The following IL1R1 variants were observed in gnomAD, a reference collection of about 807,000 sequenced individuals.
The protein encoded by IL1R1 is interleukin-1 receptor type 1.
Under a neutral mutation model 50.2 loss-of-function variants are expected in IL1R1, and 22 were observed. The ratio of observed to expected loss-of-function variants is 0.44; its 90% CI spans 0.31 to 0.63. The LOEUF is 0.63. Among genes scored for constraint, IL1R1 ranks in the 20% least tolerant of loss-of-function variants. IL1R1 has a pLI of 0.07. For synonymous variants in IL1R1, 251 were observed against 236.7 expected (o/e 1.06, Z -0.55); for missense variants, 509 against 676.2 (o/e 0.75, Z 2.74).
chr2:102,118,491 A>C, intron 1 of IL1R1, among the ~76,000 whole-genome samples: 1 of 152,206 alleles, frequency 6.6e-6, no homozygotes, highest in Non-Finnish European at 1.5e-5. Flanking sequence ...CCTGGTTTAC[A>C]GCTGGTCAGT....
rs543180292 is a variant in IL1R1, at chr2:102,089,896, C to T, written c.-84+19363C>T. Reference sequence around the variant, plus strand: ...TTGCTCAGGCTGGAGTGCAGTGGTACGATCTCGGCTCACTGCAAGCTCCAC... The same window carrying T: ...TTGCTCAGGCTGGAGTGCAGTGGTATGATCTCGGCTCACTGCAAGCTCCAC... On this transcript the variant is annotated intron_variant, in intron 1 of 11. Coordinates refer to the IL1R1 transcript ENST00000409929. Among the ~76,000 whole-genome samples, 17 of 148,480 alleles carry T rather than the reference C, an allele frequency of 1.1e-4. No individual in the cohort carries two copies. In the East Asian group the frequency reaches 2.8e-3, roughly 24 times the overall value.
intron 1 of IL1R1, among the ~76,000 whole-genome samples, chr2:102,090,537 A>T (rs929467121): frequency 6.6e-6 from 1 of 152,080 alleles, no homozygotes; most frequent in African/African-American, 2.4e-5. Context: ...TTTCTGTTAA[A>T]CTACCTCCAC....
intron 1 of IL1R1, among the ~76,000 whole-genome samples, chr2:102,133,807 T>G (rs184436599): frequency 5.6e-4 from 85 of 152,276 alleles, no homozygotes; most frequent in Admixed American, 2.9e-3. Context: ...AACATCATAC[T>G]TAATGAAAGC....
chr2:102,132,430 G>C (rs1682088001), intron 1 of IL1R1, among the ~76,000 whole-genome samples: 1 of 152,140 alleles, frequency 6.6e-6, no homozygotes, highest in Non-Finnish European at 1.5e-5. Flanking sequence ...TATGTAGGGT[G>C]ATACAGTATC....
intron 1 of IL1R1, among the ~76,000 whole-genome samples, chr2:102,091,161 T>A (rs1679649952): frequency 6.6e-6 from 1 of 152,252 alleles, no homozygotes; most frequent in Admixed American, 6.5e-5. Flanking sequence ...TCTCAAGTGA[T>A]CAGTCTCATA....
chr2:102,084,002 G>A (rs1197679230), intron 1 of IL1R1, among the ~76,000 whole-genome samples: 1 of 151,818 alleles, frequency 6.6e-6, no homozygotes, highest in East Asian at 1.9e-4. Context: ...TTTTGTTTTT[G>A]CCCTGCCTTT....
chr2:102,112,486 G>C (rs1272934122), intron 1 of IL1R1, among the ~76,000 whole-genome samples: 1 of 152,030 alleles, frequency 6.6e-6, no homozygotes, highest in African/African-American at 2.4e-5. Flanking sequence ...ACCCCCTTCA[G>C]TGAGCTTCAC....
chr2:102,140,821 C>A (rs1418355595), upstream of IL1R1, among the ~76,000 whole-genome samples: 3 of 152,138 alleles, frequency 2.0e-5, no homozygotes, highest in Non-Finnish European at 2.9e-5. Context: ...CCAGATAGAA[C>A]AGTGGTAATA....
intron 1 of IL1R1, among the ~76,000 whole-genome samples, chr2:102,131,753 A>C (rs923356370): frequency 6.6e-6 from 1 of 152,204 alleles, no homozygotes; most frequent in Non-Finnish European, 1.5e-5. Flanking sequence ...GGAGTCACTC[A>C]AGGGAAAAAG....
intron 10 of IL1R1, among the ~76,000 whole-genome samples, chr2:102,175,078 C>A (rs1686003603): frequency 7.1e-6 from 1 of 141,384 alleles, no homozygotes; most frequent in Non-Finnish European, 1.5e-5. Flanking sequence ...ACTAGATCTT[C>A]ATGCATCAGG....
chr2:102,134,904 G>T (rs1577925062), intron 1 of IL1R1, among the ~76,000 whole-genome samples: 1 of 152,208 alleles, frequency 6.6e-6, no homozygotes, highest in East Asian at 1.9e-4. Flanking sequence ...ACCTACACCT[G>T]TTTTTCACGG....
At position 102,085,895 on chromosome 2, in the gene IL1R1, T is replaced by G. The variant is rs60121336; in HGVS notation, c.-84+15362T>G. On this transcript the variant is annotated intron_variant, in intron 1 of 11. Transcript: ENST00000409929. ...TTCTTTAACTTCTCTTGGCAATTTTTAAAATTTTTCAGTGTAGGGAACTTA... is the reference window on the plus strand; with the variant it reads ...TTCTTTAACTTCTCTTGGCAATTTTGAAAATTTTTCAGTGTAGGGAACTTA... Among the ~76,000 whole-genome samples, 1,167 of 152,280 alleles carry G rather than the reference T, an allele frequency of 7.7e-3. 15 individuals carry two copies. Among genetic ancestry groups the G allele is most frequent in the African/African-American group, 0.027 (1,119 of 41,572 alleles).
At chr2:102,095,450 A>T (rs6760922) in intron 1 of IL1R1, among the ~76,000 whole-genome samples, 1 of 152,092 alleles carries the variant, frequency 6.6e-6, no homozygotes, top group Non-Finnish European at 1.5e-5. Context: ...AAATTTTTAC[A>T]TTAAAGAATA....
intron 1 of IL1R1, among the ~76,000 whole-genome samples, chr2:102,120,251 G>C (rs1174850653): frequency 1.3e-5 from 2 of 152,148 alleles, no homozygotes; most frequent in Non-Finnish European, 2.9e-5. Context: ...GAACGTGTGT[G>C]TGGGTTTTCA....
At chr2:102,172,056 T>TTG (rs35404747) in intron 8 of IL1R1, 138 bp downstream of exon 8, 1 of 394,940 alleles carries the variant, frequency 2.5e-6, no homozygotes, top group Non-Finnish European at 4.4e-6. Context: ...TTTTTTTTTT[T>TTG]GCTAAGCTAA....
chr2:102,118,758 C>T (rs1456764654), intron 1 of IL1R1, among the ~76,000 whole-genome samples: 1 of 152,112 alleles, frequency 6.6e-6, no homozygotes. Context: ...TGGCTCACGC[C>T]TGTAATCCCA....
chr2:102,162,440 AT>A (rs1308715102), intron 3 of IL1R1, among the ~76,000 whole-genome samples: 2 of 151,814 alleles, frequency 1.3e-5, no homozygotes, highest in Non-Finnish European at 2.9e-5. Flanking sequence ...GGATCTTGCT[AT>A]TTGTTTTTCT....
intron 1 of IL1R1, among the ~76,000 whole-genome samples, chr2:102,119,852 T>C (rs1244642379): frequency 1.3e-5 from 2 of 152,226 alleles, no homozygotes; most frequent in Admixed American, 6.5e-5. Context: ...AAGTGTACGA[T>C]ACAGTATTAC....
intron 7 of IL1R1, among the ~76,000 whole-genome samples, chr2:102,168,957 G>C (rs1170063338): frequency 1.3e-5 from 2 of 151,588 alleles, no homozygotes; most frequent in Admixed American, 1.3e-4. Context: ...GCCATTGACT[G>C]GTACAGGATT....
Sources: gnomAD v4.1 joint callset for allele counts (sites outside exome capture counted in the v4.1 genomes callset) on GRCh38, gnomAD v4.1.1 for gene constraint, MANE v1.5 for transcripts, NCBI Gene and HGNC (gene_info 2026-07-23, HGNC 2026-07-21) for gene names.